The following PYGO1 variants were observed in gnomAD, a reference collection of about 807,000 sequenced individuals.
The protein encoded by PYGO1 is pygopus homolog 1.
Under a neutral mutation model 29.5 loss-of-function variants are expected in PYGO1, and 6 were observed. The observed-to-expected ratio is 0.20, with a 90% CI of 0.11 to 0.40. PYGO1 has a LOEUF of 0.40. Among genes scored for constraint, PYGO1 ranks in the 10% least tolerant of loss-of-function variants. PYGO1 has a pLI of 1.00. For synonymous variants in PYGO1, 186 were observed against 180.5 expected (o/e 1.03, Z -0.24); for missense variants, 515 against 514.9 (o/e 1.00, Z 0.00).
At chr15:55,577,943 T>G (rs2059010192) in intron 1 of PYGO1, among the ~76,000 whole-genome samples, 1 of 152,038 alleles carries the variant, frequency 6.6e-6, no homozygotes, top group Non-Finnish European at 1.5e-5. Flanking sequence ...CTTGGTGAAT[T>G]TTTTTATTTG....
chr15:55,550,462 T>C (rs937265532), intron 1 of PYGO1, among the ~76,000 whole-genome samples: 13 of 152,132 alleles, frequency 8.5e-5, no homozygotes, highest in African/African-American at 3.1e-4. Context: ...TGGTAGTCCA[T>C]CACACTCCCC....
intron 1 of PYGO1, among the ~76,000 whole-genome samples, chr15:55,575,134 C>T (rs1014268559): frequency 6.6e-6 from 1 of 152,140 alleles, no homozygotes; most frequent in Admixed American, 6.6e-5. Flanking sequence ...GACTCGAAAG[C>T]CTATATATGA....
chr15:55,559,834 C>A (rs28880717), intron 1 of PYGO1, among the ~76,000 whole-genome samples: 1 of 151,998 alleles, frequency 6.6e-6, no homozygotes, highest in African/African-American at 2.4e-5. Flanking sequence ...AAAAAGTTTA[C>A]GCACCATGAT....
At chr15:55,556,016 G>A (rs745996710) in intron 1 of PYGO1, among the ~76,000 whole-genome samples, 24 of 151,734 alleles carry the variant, frequency 1.6e-4, no homozygotes, top group Non-Finnish European at 2.9e-4. Flanking sequence ...CAAGTTTTTA[G>A]AGACCTACAA....
chr15:55,547,257 G>A (rs1319771070), intron 2 of PYGO1, 110 bp from the exon 3 acceptor site: 8 of 927,174 alleles, frequency 8.6e-6, no homozygotes, highest in Non-Finnish European at 1.2e-5. Flanking sequence ...TTCTCTTGCA[G>A]TGTTAACAAA....
intron 1 of PYGO1, among the ~76,000 whole-genome samples, chr15:55,554,676 T>A (rs992353406): frequency 6.6e-6 from 1 of 151,908 alleles, no homozygotes; most frequent in Non-Finnish European, 1.5e-5. Flanking sequence ...AAGAGGAATA[T>A]AGGTGACATG....
chr15:55,584,064 C>A (rs1196367746), intron 1 of PYGO1, among the ~76,000 whole-genome samples: 1 of 151,106 alleles, frequency 6.6e-6, no homozygotes, highest in African/African-American at 2.4e-5. Context: ...TTGTCACTGT[C>A]CTGTACTAGA....
intron 1 of PYGO1, among the ~76,000 whole-genome samples, chr15:55,568,987 T>C (rs888880052): frequency 3.9e-5 from 6 of 152,184 alleles, no homozygotes; most frequent in African/African-American, 1.4e-4. Context: ...TTGAATTTGG[T>C]TTGCTAGTAT....
rs2058835841 is a variant in PYGO1 at position 55,543,264 on chromosome 15, T to C, written c.*2759A>G. ...ATAGCCTTCTTCAGACAAATTATCA[T>C]CTGGCTATTCTTACAGTTCATCACT... On this transcript the variant is annotated 3_prime_UTR_variant, in exon 3 of 3. Coordinates refer to ENST00000563719, the MANE Select transcript of PYGO1 (RefSeq NM_001367806.1). The C allele has an allele frequency of 6.6e-6, 1 of 152,212 alleles. No homozygotes were observed. The highest frequency in any genetic ancestry group is 1.5e-5 in the Non-Finnish European group (1 of 68,032). The allele number at this position is 152,212 out of a possible 1,614,324, so 9.4% of individuals were successfully genotyped here. A position where few individuals can be genotyped will look rare whatever the true frequency, so the allele number is the denominator to read the frequency against.
At chr15:55,583,363 A>T (rs1348435122) in intron 1 of PYGO1, among the ~76,000 whole-genome samples, 2 of 150,054 alleles carry the variant, frequency 1.3e-5, no homozygotes, top group African/African-American at 5.0e-5. Flanking sequence ...AATACGTTTA[A>T]GTCTTTTTCC....
At chr15:55,564,898 G>A (rs2058948553) in intron 1 of PYGO1, among the ~76,000 whole-genome samples, 1 of 152,134 alleles carries the variant, frequency 6.6e-6, no homozygotes, top group South Asian at 2.1e-4. Context: ...ATTCTTGTCT[G>A]TAGCCAAATT....
In PYGO1 at chr15:55,544,485, G is replaced by C. The variant is rs912790989; in HGVS notation, c.*1538C>G. On this transcript the variant is annotated 3_prime_UTR_variant, in exon 3 of 3. Transcript: ENST00000563719. ...GCCCAAGTCACTTAACTTTGCTTTA[G>C]TAGCTTGTGACATGTGAGGTCGAGT... The C allele has an allele frequency of 6.6e-6, 1 of 152,190 alleles. No homozygotes were observed. Among genetic ancestry groups the C allele is most frequent in the Non-Finnish European group, 1.5e-5 (1 of 68,038 alleles). 9.4% of individuals were successfully genotyped at this position (152,190 alleles called of 1,614,324 possible).
chr15:55,545,209 G>T lies in PYGO1; in HGVS notation c.*814C>A, dbSNP rs1415682381. 1 of 152,118 alleles carries T rather than the reference G, an allele frequency of 6.6e-6. No homozygotes were observed. The allele number at this position is 152,118 out of a possible 1,614,324, so 9.4% of individuals were successfully genotyped here. On this transcript the variant is annotated 3_prime_UTR_variant, in exon 3 of 3. Coordinates refer to ENST00000563719, the MANE Select transcript of PYGO1 (RefSeq NM_001367806.1). ...AAAAAGTATTCACAATTCTTCTGTG[G>T]ATACTATAGTATTTCTCTGGAAAAC...
chr15:55,588,881 T>C, upstream of PYGO1: 2 of 1,612,202 alleles, frequency 1.2e-6, no homozygotes, highest in Non-Finnish European at 1.7e-6. Flanking sequence ...CGACTCCGTG[T>C]CCGCGTGGCC....
At chr15:55,574,204 C>T (rs2058991793) in intron 1 of PYGO1, among the ~76,000 whole-genome samples, 3 of 152,182 alleles carry the variant, frequency 2.0e-5, no homozygotes, top group Non-Finnish European at 1.5e-5. Context: ...GAGAAATGAA[C>T]TGCTTTCATA....
At chr15:55,575,245 T>C (rs986228744) in intron 1 of PYGO1, among the ~76,000 whole-genome samples, 5 of 152,196 alleles carry the variant, frequency 3.3e-5, no homozygotes, top group African/African-American at 1.2e-4. Flanking sequence ...CTCCCAAAGA[T>C]TCTGATTGAG....
At position 55,588,280 on chromosome 15, in the gene PYGO1, G is replaced by A. The variant is rs2059059089; in HGVS notation, c.-397C>T. 6.7e-6 allele frequency among the ~76,000 whole-genome samples: 1 copy of A among 148,696 alleles called. No individual in the cohort carries two copies. Among genetic ancestry groups the A allele is most frequent in the Non-Finnish European group, 1.5e-5 (1 of 66,798 alleles). On this transcript the variant is annotated 5_prime_UTR_variant, in exon 1 of 3. Transcript: ENST00000563719. The stretch of plus-strand genomic sequence containing the variant: ...GCAGGAGGCTCGCGGCCCGGCCCTG[G>A]CGGCACACTCACAGCGCCCTCTGAG...
At chr15:55,569,514 A>T (rs186672455) in intron 1 of PYGO1, among the ~76,000 whole-genome samples, 2 of 152,020 alleles carry the variant, frequency 1.3e-5, no homozygotes, top group Admixed American at 6.6e-5. Flanking sequence ...GAATTTTTTA[A>T]ATTTCTGCCT....
chr15:55,577,905 G>C (rs978576543), intron 1 of PYGO1, among the ~76,000 whole-genome samples: 9 of 151,950 alleles, frequency 5.9e-5, no homozygotes, highest in African/African-American at 2.2e-4. Flanking sequence ...CTCCCGAGCA[G>C]CTGGGATTAC....
Sources: allele counts gnomAD v4.1 joint callset (sites outside exome capture counted in the v4.1 genomes callset), GRCh38; gene constraint gnomAD v4.1.1; transcripts MANE v1.5; gene names NCBI Gene and HGNC (gene_info 2026-07-23, HGNC 2026-07-21).